The following MTMR8 variants were observed in gnomAD, a reference collection of about 807,000 sequenced individuals.
The protein encoded by MTMR8 is phosphatidylinositol-3,5-bisphosphate 3-phosphatase MTMR8.
Under a neutral mutation model 39.3 loss-of-function variants are expected in MTMR8, and 65 were observed. That is an observed-to-expected ratio of 1.65 (90% CI 1.35 to 2.03). MTMR8 has a LOEUF of 2.03. Ranked by LOEUF, MTMR8 falls within the 30% of genes most tolerant of loss-of-function variation. The pLI, the probability that MTMR8 is intolerant of heterozygous loss-of-function variation, is 0.00. For missense variants in MTMR8, 777 were observed against 538.9 expected (o/e 1.44, Z -4.37); for synonymous variants, 245 against 185.2 (o/e 1.32, Z -2.62).
intron 12 of MTMR8, among the ~76,000 whole-genome samples, chrX:64,327,911 A>G (rs1484779116): frequency 8.9e-6 from 1 of 112,451 alleles, no homozygotes; most frequent in East Asian, 2.8e-4. Flanking sequence ...CATTATGTTA[A>G]GCGAAATAAG....
intron 1 of MTMR8, among the ~76,000 whole-genome samples, chrX:64,363,099 T>C (rs1030864918): frequency 4.5e-5 from 5 of 111,649 alleles, no homozygotes; most frequent in African/African-American, 1.6e-4. Context: ...GTTCAAGGCA[T>C]ATAGGAATCC....
intron 1 of MTMR8, among the ~76,000 whole-genome samples, chrX:64,373,674 G>GA (rs1169535817): frequency 1.8e-5 from 2 of 111,045 alleles, no homozygotes; most frequent in African/African-American, 3.3e-5. Flanking sequence ...GAAGGGAACT[G>GA]AAAAAACCTC....
intron 6 of MTMR8, among the ~76,000 whole-genome samples, chrX:64,345,962 A>G (rs775492513): frequency 4.6e-4 from 52 of 112,021 alleles, no homozygotes; most frequent in Non-Finnish European, 8.8e-4. Flanking sequence ...ATGTGACTGC[A>G]TGAGATAAAT....
chrX:64,373,953 A>G (rs5964356), intron 1 of MTMR8, among the ~76,000 whole-genome samples: 123 of 112,139 alleles, frequency 1.1e-3, no homozygotes, highest in African/African-American at 3.9e-3. Flanking sequence ...TTTCAGCCAG[A>G]TATCTTGATG....
intron 12 of MTMR8, among the ~76,000 whole-genome samples, chrX:64,280,374 G>C (rs1383012471): frequency 1.8e-5 from 2 of 111,745 alleles, no homozygotes; most frequent in East Asian, 2.8e-4. Flanking sequence ...TTCATCTCTG[G>C]GAGGCAAGGC....
chrX:64,329,038 A>C (rs1372584089), intron 11 of MTMR8, 138 bp from the exon 12 acceptor site: 3 of 493,696 alleles, frequency 6.1e-6, no homozygotes, highest in Non-Finnish European at 9.2e-6. Context: ...TGACAGAAGA[A>C]AAATAAGTGG....
chrX:64,352,960 C>T (rs1202823003), intron 4 of MTMR8, among the ~76,000 whole-genome samples: 2 of 111,376 alleles, frequency 1.8e-5, no homozygotes, highest in African/African-American at 6.5e-5. Context: ...GTTCAAATTC[C>T]TTAATTTGGT....
rs1923234130 is a variant in MTMR8, at chrX:64,342,122, C to T, written c.975+1489G>A. ...TTGAGTTTAAAGTGACATGATCAGA[C>T]ATGTTCAAGAAAAATAACTTTAGTA... On this transcript the variant is annotated intron_variant, in intron 8 of 13. Coordinates refer to ENST00000374852, the MANE Select transcript of MTMR8 (RefSeq NM_017677.4). Among the ~76,000 whole-genome samples, 3 of 111,882 alleles carry T rather than the reference C, an allele frequency of 2.7e-5. No individual in the cohort carries two copies. In the Admixed American group the frequency reaches 2.8e-4, roughly 11 times the overall value.
intron 12 of MTMR8, among the ~76,000 whole-genome samples, chrX:64,288,905 T>C (rs1921301233): frequency 9.1e-6 from 1 of 110,208 alleles, no homozygotes; most frequent in Admixed American, 9.8e-5. Context: ...CATTAGGAGA[T>C]ATATCTAATA....
intron 12 of MTMR8, among the ~76,000 whole-genome samples, chrX:64,274,671 T>C (rs947672218): frequency 7.1e-5 from 8 of 111,902 alleles, no homozygotes; most frequent in Non-Finnish European, 1.5e-4. Flanking sequence ...CATCAATAGA[T>C]GACTGAATAA....
chrX:64,353,694 T>A (rs1923542945), intron 4 of MTMR8, among the ~76,000 whole-genome samples: 3 of 111,413 alleles, frequency 2.7e-5, no homozygotes, highest in East Asian at 2.8e-4. Context: ...ACACCTATAA[T>A]CCCAGCACTT....
chrX:64,308,346 T>C (rs1441087007), intron 12 of MTMR8, among the ~76,000 whole-genome samples: 3 of 100,205 alleles, frequency 3.0e-5, no homozygotes, highest in African/African-American at 1.1e-4. Context: ...TTTTTTTGTA[T>C]TTTTAGTAGA....
intron 2 of MTMR8, 57 bp from the exon 3 acceptor site, chrX:64,356,395 A>C (rs1461021538): frequency 9.4e-6 from 10 of 1,059,448 alleles, no homozygotes; most frequent in Non-Finnish European, 1.2e-5. Flanking sequence ...CTCTATCACT[A>C]TCAGTATTCC....
At position 64,292,167 on chromosome X, in the gene MTMR8, C is replaced by T. The variant is rs755064155; in HGVS notation, c.1482-21094G>A. Among the ~76,000 whole-genome samples the T allele has an allele frequency of 5.4e-5, 6 of 111,671 alleles. No individual in the cohort carries two copies. The East Asian group carries it at 1.4e-3, about 27-fold the overall frequency. On this transcript the variant is annotated intron_variant, in intron 12 of 13. Transcript: ENST00000374852. ...AGCTGATAAGGCAGATATGTCAGTC[C>T]GATGCTGGTCTCCTAAGCACAATTG...
chrX:64,276,868 T>C (rs1931882063), intron 12 of MTMR8, among the ~76,000 whole-genome samples: 1 of 111,709 alleles, frequency 9.0e-6, no homozygotes, highest in Non-Finnish European at 1.9e-5. Context: ...TCTCCTACTA[T>C]TATTCTGTGG....
At chrX:64,269,281 G>C (rs939551428) in intron 13 of MTMR8, among the ~76,000 whole-genome samples, 3 of 111,673 alleles carry the variant, frequency 2.7e-5, no homozygotes, top group Non-Finnish European at 5.6e-5. Context: ...TATGATAAGT[G>C]CAATTTTGTT....
intron 8 of MTMR8, 127 bp downstream of exon 8, chrX:64,343,484 G>C (rs1214079935): frequency 6.3e-5 from 28 of 441,852 alleles, no homozygotes; most frequent in Non-Finnish European, 8.5e-5. Flanking sequence ...GGCACACAGT[G>C]AATTAGTGGC....
At chrX:64,376,264 G>A (rs960558064) in intron 1 of MTMR8, among the ~76,000 whole-genome samples, 4 of 112,250 alleles carry the variant, frequency 3.6e-5, no homozygotes, top group African/African-American at 1.3e-4. Flanking sequence ...TGGGTAATAG[G>A]CTTTGGGTGG....
chrX:64,292,353 C>A (rs181040800), intron 12 of MTMR8, among the ~76,000 whole-genome samples: 6 of 111,610 alleles, frequency 5.4e-5, no homozygotes, highest in Middle Eastern at 4.6e-3. Flanking sequence ...AAGTTACATT[C>A]CAGGACACCA....
Sources: allele counts gnomAD v4.1 joint callset (sites outside exome capture counted in the v4.1 genomes callset), GRCh38; gene constraint gnomAD v4.1.1; transcripts MANE v1.5; gene names NCBI Gene and HGNC (gene_info 2026-07-23, HGNC 2026-07-21).